The following ABCA3 variants were observed in gnomAD, a reference collection of about 807,000 sequenced individuals.
The protein encoded by ABCA3 is ATP binding cassette subfamily A member 3, also known as phospholipid-transporting ATPase ABCA3.
In ABCA3, 88 loss-of-function variants were observed where a neutral mutation model predicts 172.8. The observed-to-expected ratio is 0.51, with a 90% CI of 0.43 to 0.61. ABCA3 has a LOEUF of 0.61. ABCA3 is among the 20% of genes least tolerant of loss of function. The probability of loss-of-function intolerance (pLI) is 0.00; values close to 1 mark genes in which losing one functional copy is unlikely to be tolerated. For synonymous variants in ABCA3, 1,066 were observed against 983.8 expected, an observed-to-expected ratio of 1.08 and a Z score of -1.56; for missense variants, 2,164 against 2,301.0, an observed-to-expected ratio of 0.94 and a Z score of 1.22.
intron 18 of ABCA3, 73 bp from the exon 19 acceptor site, chr16:2,292,311 C>T: frequency 2.2e-6 from 3 of 1,341,472 alleles, no homozygotes; most frequent in Non-Finnish European, 3.2e-6. Context: ...AAGCATCACC[C>T]CCCCTCGGCC....
rs1051399548 is a variant in ABCA3, at chr16:2,276,761, G to T, written c.5028C>A (p.Asp1676Glu). The T allele has an allele frequency of 1.8e-5, 29 of 1,613,836 alleles. No individual in the cohort carries two copies. The highest frequency in any genetic ancestry group is 2.5e-5 in the Non-Finnish European group (29 of 1,180,026). ...GCGAGATCTGGCTCACGGAGTAGTC[G>T]TCCACGCCGTACTTTTCCTTGGCTT... ...LEKAKEKYGV[D>E]DYSVSQISLE... Residue 1676 changes from aspartate (D) to glutamate (E), a missense_variant, in exon 33 of 33, where the codon GAC becomes GAA. By Grantham distance (45) the Asp-to-Glu change is conservative. This residue lies in a region of ABCA3 where 795 missense variants were observed against 881.9 expected (regional missense o/e 0.90). Coordinates refer to ENST00000301732, the MANE Select transcript of ABCA3 (RefSeq NM_001089.3).
intron 12 of ABCA3, among the ~76,000 whole-genome samples, chr16:2,302,375 T>C (rs1239671948): frequency 6.6e-6 from 1 of 152,202 alleles, no homozygotes; most frequent in South Asian, 2.1e-4. Context: ...TATGTTTAGA[T>C]AATAGTTTAA....
chr16:2,300,666 T>C (rs2093687463), intron 12 of ABCA3, among the ~76,000 whole-genome samples: 1 of 152,104 alleles, frequency 6.6e-6, no homozygotes, highest in Admixed American at 6.5e-5. Flanking sequence ...GTGCATGGGG[T>C]AAGAACACAG....
chr16:2,335,356 G>A (rs1256409935), intron 1 of ABCA3, among the ~76,000 whole-genome samples: 1 of 152,100 alleles, frequency 6.6e-6, no homozygotes, highest in Non-Finnish European at 1.5e-5. Flanking sequence ...GTCACACACA[G>A]TTATCCCGGC....
Position 2,323,650 on chromosome 16 carries a change from A to G in ABCA3, c.486T>C (p.Asn162=), listed in dbSNP as rs1596864672. ...YHLRFSYTRR[N]YMWTQTGSFF... ...AGGAGCCTGTTTGGGTCCACATGTA[A>G]TTTCTCCGTGTGTAACTGAACCGTA... The change falls in exon 7 of 33, where the codon AAT becomes AAC. Residue 162 remains asparagine (N), a synonymous_variant. Coordinates refer to ENST00000301732, the MANE Select transcript of ABCA3 (RefSeq NM_001089.3). 6.2e-7 allele frequency: 1 copy of G among 1,614,072 alleles called. No individual in the cohort carries two copies. Among genetic ancestry groups the G allele is most frequent in the African/African-American group, 1.3e-5 (1 of 74,986 alleles).
At position 2,288,085 on chromosome 16, in the gene ABCA3, A is replaced by G. The variant is rs1402761450; in HGVS notation, c.2945T>C (p.Leu982Pro). The change falls in exon 21 of 33, where the codon CTG becomes CCG. Residue 982 changes from leucine (L) to proline (P), a missense_variant. Physicochemically the swap from Leu to Pro is moderately conservative, Grantham distance 98. This residue lies in a region of ABCA3 where 1,343 missense variants were observed against 1,369.6 expected (regional missense o/e 0.98). Transcript: ENST00000301732. ...VPGTSQLGQQ[L>P]SEHLKDALQA... ...CAGTGCGTCTTTCAGATGCTCTGAC[A>G]GCTGCTGACCCAGCTGGGAGGTCCC... 1 of 1,613,334 alleles carries G rather than the reference A, an allele frequency of 6.2e-7. No homozygotes were observed. Among genetic ancestry groups the G allele is most frequent in the Non-Finnish European group, 8.5e-7 (1 of 1,180,012 alleles).
At position 2,295,706 on chromosome 16, in the gene ABCA3, C is replaced by A; in HGVS notation, c.2298G>T (p.Pro766=). The stretch of plus-strand genomic sequence containing the variant: ...GGGAGATGTCTTCCGGGTTGCAGTG[C>A]GGCTCCTTCACCAGCGTCATGTGAT... ...AGYHMTLVKE[P]HCNPEDISQL... The change falls in exon 18 of 33, where the codon CCG becomes CCT. Residue 766 remains proline (P), a synonymous_variant. Coordinates refer to ENST00000301732, the MANE Select transcript of ABCA3 (RefSeq NM_001089.3). 6.8e-6 allele frequency: 11 copies of A among 1,614,014 alleles called. No individual in the cohort carries two copies. In the South Asian group the frequency reaches 9.9e-5, roughly 14 times the overall value.
intron 13 of ABCA3, 117 bp from the exon 14 acceptor site, chr16:2,299,649 A>G (rs2093685839): frequency 7.9e-6 from 12 of 1,514,094 alleles, no homozygotes; most frequent in Non-Finnish European, 1.1e-5. Flanking sequence ...CGTCACCATC[A>G]GTGTGCAGAG....
chr16:2,316,144 A>G (rs1224736230), intron 10 of ABCA3, among the ~76,000 whole-genome samples: 1 of 111,430 alleles, frequency 9.0e-6, no homozygotes, highest in Admixed American at 1.3e-4. Flanking sequence ...TGGTGAGAAA[A>G]AAAAAAAAAA....
chr16:2,288,478 G>C, intron 20 of ABCA3, 149 bp from the exon 21 acceptor site: 1 of 953,968 alleles, frequency 1.0e-6, no homozygotes, highest in Non-Finnish European at 1.5e-6. Context: ...CGTTGAAACG[G>C]CCGTGGGAGG....
rs2093652170 is a variant in ABCA3 at position 2,279,714 on chromosome 16, C to T, written c.4360-584G>A. Among the ~76,000 whole-genome samples the T allele has an allele frequency of 6.6e-6, 1 of 151,918 alleles. No homozygotes were observed. The highest frequency in any genetic ancestry group is 1.5e-5 in the Non-Finnish European group (1 of 67,986). On this transcript the variant is annotated intron_variant, in intron 28 of 32. Coordinates refer to ENST00000301732, the MANE Select transcript of ABCA3 (RefSeq NM_001089.3). This position sits in a 1 kb window ranked among gnomAD's most constrained non-coding sequence, Gnocchi z 4.4. The stretch of plus-strand genomic sequence containing the variant: ...GACTGGATTTCTTTTTCTTTACCTT[C>T]CTTCTTTGGGGTTCTCAAGCTTCCA...
intron 7 of ABCA3, 47 bp from the exon 8 acceptor site, chr16:2,319,887 C>T: frequency 6.2e-7 from 1 of 1,610,172 alleles, no homozygotes; most frequent in Non-Finnish European, 8.5e-7. Flanking sequence ...AGGAGCTGCT[C>T]TCGAGGGCAG....
chr16:2,308,900 G>T (rs1050154699), intron 10 of ABCA3, among the ~76,000 whole-genome samples: 9 of 151,236 alleles, frequency 6.0e-5, no homozygotes, highest in African/African-American at 2.2e-4. Context: ...CCCTGACACT[G>T]CACACCTCAC....
rs2093647589 is a variant in ABCA3 at position 2,277,044 on chromosome 16, G to A, written c.4984-239C>T. On this transcript the variant is annotated intron_variant, in intron 32 of 32. Coordinates refer to ENST00000301732, the MANE Select transcript of ABCA3 (RefSeq NM_001089.3). The surrounding 1 kb of genome is among the most constrained non-coding windows in gnomAD (Gnocchi z 5.3). ...CAGCCTCCTCCCTGTGCTGTTCCCAGCTCAGATTACAACCTTGAGCCAGTG... is the reference window on the plus strand; with the variant it reads ...CAGCCTCCTCCCTGTGCTGTTCCCAACTCAGATTACAACCTTGAGCCAGTG... Among the ~76,000 whole-genome samples the A allele has an allele frequency of 6.6e-6, 1 of 152,192 alleles. No individual in the cohort carries two copies. The highest frequency in any genetic ancestry group is 1.5e-5 in the Non-Finnish European group (1 of 68,030).
intron 1 of ABCA3, among the ~76,000 whole-genome samples, chr16:2,337,358 A>G (rs934894567): frequency 1.3e-5 from 2 of 151,190 alleles, no homozygotes; most frequent in Non-Finnish European, 2.9e-5. Context: ...GTACACATGA[A>G]AAAAAAAGTC....
chr16:2,309,248 C>T (rs1659433395), intron 10 of ABCA3, among the ~76,000 whole-genome samples: 1 of 152,178 alleles, frequency 6.6e-6, no homozygotes, highest in African/African-American at 2.4e-5. Context: ...GCCCAGCCTG[C>T]CTAAGCCCCA....
chr16:2,277,499 C>T lies in ABCA3; in HGVS notation c.4983+98G>A. ...AGGGGAGAAATGGAAAGTGACTCCT[C>T]TGTGGAAAGAGCCTGCAGTCACCAC... is the stretch of plus-strand genomic sequence containing the variant. On this transcript the variant is annotated intron_variant, in intron 32 of 32. Coordinates refer to ENST00000301732, the MANE Select transcript of ABCA3 (RefSeq NM_001089.3). The surrounding 1 kb of genome is among the most constrained non-coding windows in gnomAD (Gnocchi z 5.3). 1 of 1,291,384 alleles carries T rather than the reference C, an allele frequency of 7.7e-7. No homozygotes were observed. The highest frequency in any genetic ancestry group is 1.2e-5 in the South Asian group (1 of 80,254). 80.0% of individuals were successfully genotyped at this position (1,291,384 alleles called of 1,614,324 possible). A position where few individuals can be genotyped will look rare whatever the true frequency, so the allele number is the denominator to read the frequency against.
rs1275224501 is a variant in ABCA3 at position 2,281,497 on chromosome 16, T to G, written c.4048A>C (p.Thr1350Pro). 1 of 1,612,602 alleles carries G rather than the reference T, an allele frequency of 6.2e-7. No homozygotes were observed. The highest frequency in any genetic ancestry group is 1.7e-5 in the Admixed American group (1 of 59,890). The change falls in exon 27 of 33, where the codon ACC becomes CCC. Residue 1350 changes from threonine to proline, a missense_variant. Thr to Pro is a conservative substitution (Grantham distance 38, BLOSUM62 -1). Coordinates refer to ENST00000301732, the MANE Select transcript of ABCA3 (RefSeq NM_001089.3). This position sits in a 1 kb window ranked among gnomAD's most constrained non-coding sequence, Gnocchi z 4.7. ...RRRRTLTELY[T>P]RMPVLPEDQD... ...TCCTCAGGAAGCACAGGCATCCGGG[T>G]GTATAATTCTGTCTGATTGACCAGG...
rs753115229 is a variant in ABCA3, at chr16:2,317,239, T to C, written c.1111+44A>G. 4 of 1,612,280 alleles carry C rather than the reference T, an allele frequency of 2.5e-6. No individual in the cohort carries two copies. The South Asian group carries it at 3.3e-5, about 13-fold the overall frequency. On this transcript the variant is annotated intron_variant, in intron 10 of 32. Transcript: ENST00000301732. ...TGGGTTATTTCCATGCAGATGGCCC[T>C]TGGCCCCTTGGCAACCCCACTCTGC... is the stretch of plus-strand genomic sequence containing the variant.
Sources: allele counts gnomAD v4.1 joint callset (sites outside exome capture counted in the v4.1 genomes callset), GRCh38; gene constraint gnomAD v4.1.1; regional missense constraint gnomAD v4.1.1; non-coding constraint Gnocchi (gnomAD v3.1); transcripts MANE v1.5; gene names NCBI Gene and HGNC (gene_info 2026-07-23, HGNC 2026-07-21).